Variants in SLC6A6 observed in about 807,000 individuals in gnomAD.
SLC6A6 encodes solute carrier family 6 member 6.
In SLC6A6, 16 loss-of-function variants were observed where a neutral mutation model predicts 68.8. The ratio of observed to expected loss-of-function variants is 0.23; its 90% CI spans 0.16 to 0.35. The LOEUF (loss-of-function observed/expected upper bound fraction) is 0.35, where lower values mean the gene tolerates loss of function less well. Ranked by LOEUF, SLC6A6 falls within the 10% of genes least tolerant of loss-of-function variation. The pLI is 1.00. For synonymous variants in SLC6A6, 312 were observed against 315.4 expected, an observed-to-expected ratio of 0.99 and a Z score of 0.12; for missense variants, 474 against 802.8, an observed-to-expected ratio of 0.59 and a Z score of 4.95.
At chr3:14,470,227 C>T (rs766087705) in intron 9 of SLC6A6, among the ~76,000 whole-genome samples, 3 of 152,112 alleles carry the variant, frequency 2.0e-5, no homozygotes, top group Admixed American at 1.3e-4. Flanking sequence ...TTGTTTTTTC[C>T]TCCCGTCCAC....
chr3:14,424,450 C>T (rs975309173), intron 2 of SLC6A6, among the ~76,000 whole-genome samples: 3 of 151,702 alleles, frequency 2.0e-5, no homozygotes, highest in Non-Finnish European at 4.4e-5. Flanking sequence ...GGAAACAGCC[C>T]GTGGAAAGGC....
intron 2 of SLC6A6, among the ~76,000 whole-genome samples, chr3:14,419,879 A>C (rs1699448865): frequency 6.6e-6 from 1 of 152,130 alleles, no homozygotes; most frequent in Non-Finnish European, 1.5e-5. Flanking sequence ...GGGCAGCTTA[A>C]GGAAGAAAGA....
chr3:14,434,865 G>A (rs2124929509), intron 2 of SLC6A6, among the ~76,000 whole-genome samples: 1 of 152,270 alleles, frequency 6.6e-6, no homozygotes, highest in East Asian at 1.9e-4. Flanking sequence ...GTGGTTCTCT[G>A]GGGCTTTGGG....
chr3:14,442,380 G>T (rs552125882), intron 2 of SLC6A6, among the ~76,000 whole-genome samples: 2 of 152,202 alleles, frequency 1.3e-5, no homozygotes, highest in African/African-American at 2.4e-5. Context: ...AGAGAGGGGC[G>T]AGTAGGCCTA....
intron 4 of SLC6A6, among the ~76,000 whole-genome samples, chr3:14,446,661 T>C (rs1443832734): frequency 6.6e-6 from 1 of 152,234 alleles, no homozygotes; most frequent in African/African-American, 2.4e-5. Context: ...CTCCCCTTGA[T>C]AGTTTTGTGA....
intron 6 of SLC6A6, among the ~76,000 whole-genome samples, chr3:14,459,401 C>G (rs1319275263): frequency 6.6e-6 from 1 of 152,144 alleles, no homozygotes; most frequent in East Asian, 1.9e-4. Context: ...GTCACTTACC[C>G]TGCAAGACCT....
In SLC6A6 at chr3:14,488,674, A is replaced by C. The variant is rs1427561313; in HGVS notation, c.*3667A>C. The C allele has an allele frequency of 6.6e-6, 1 of 152,290 alleles. No individual in the cohort carries two copies. The highest frequency in any genetic ancestry group is 1.5e-5 in the Non-Finnish European group (1 of 68,044). The allele number at this position is 152,290 out of a possible 1,614,324, so 9.4% of individuals were successfully genotyped here. On this transcript the variant is annotated 3_prime_UTR_variant, in exon 15 of 15. Coordinates refer to ENST00000622186, the MANE Select transcript of SLC6A6 (RefSeq NM_003043.6). ...TGTGCAAAAATCGAAGTACAAAACC[A>C]CAAGACTAAACAAAACAAACCCAGA...
chr3:14,471,130 C>CTT (rs754511089), intron 9 of SLC6A6, among the ~76,000 whole-genome samples: 1,630 of 83,060 alleles, frequency 0.02, 53 homozygotes, highest in African/African-American at 0.045. Context: ...TGCTTCTTGA[C>CTT]TTTTTTTTTT....
At chr3:14,433,227 C>T (rs1295980678) in intron 2 of SLC6A6, among the ~76,000 whole-genome samples, 1 of 152,084 alleles carries the variant, frequency 6.6e-6, no homozygotes, top group Non-Finnish European at 1.5e-5. Context: ...AGAGAATTGC[C>T]CCAGGTAAGC....
At chr3:14,428,748 A>G (rs1448884905) in intron 2 of SLC6A6, among the ~76,000 whole-genome samples, 1 of 152,136 alleles carries the variant, frequency 6.6e-6, no homozygotes, top group Non-Finnish European at 1.5e-5. Flanking sequence ...CACCTTGGTC[A>G]AGCAATGTCA....
At chr3:14,447,231 T>TCCAA (rs1700144103) in intron 4 of SLC6A6, among the ~76,000 whole-genome samples, 1 of 150,690 alleles carries the variant, frequency 6.6e-6, no homozygotes, top group Admixed American at 6.6e-5. Context: ...TATCCATCCA[T>TCCAA]CCATCCATCC....
rs546324782 is a variant in SLC6A6, at chr3:14,487,822, G to T, written c.*2815G>T. The T allele has an allele frequency of 6.6e-6, 1 of 152,456 alleles. No homozygotes were observed. Among genetic ancestry groups the T allele is most frequent in the South Asian group, 2.1e-4 (1 of 4,828 alleles). The allele number at this position is 152,456 out of a possible 1,614,324, so 9.4% of individuals were successfully genotyped here. On this transcript the variant is annotated 3_prime_UTR_variant, in exon 15 of 15. Transcript: ENST00000622186. The stretch of plus-strand genomic sequence containing the variant: ...CTGCAGGTTCTCCGAGGTAGGTGCA[G>T]GGAATGGTGAGTGTCTAACCAGGGC...
chr3:14,468,152 T>C lies in SLC6A6; in HGVS notation c.1036T>C (p.Ser346Pro), dbSNP rs1700663474. 6.2e-7 allele frequency: 1 copy of C among 1,614,154 alleles called. No individual in the cohort carries two copies. The highest frequency in any genetic ancestry group is 8.5e-7 in the Non-Finnish European group (1 of 1,180,026). Residue 346 changes from serine to proline, a missense_variant, in exon 9 of 15, where the codon TCC (serine) becomes CCC (proline). Coordinates refer to ENST00000622186, the MANE Select transcript of SLC6A6 (RefSeq NM_003043.6). The surrounding 1 kb of genome is among the most constrained non-coding windows in gnomAD (Gnocchi z 4.5). ...TTTTGTGTCTGGCTTCGCAATTTTT[T>C]CCATCCTGGGCTTCATGGCACAAGA... Reference protein sequence around the residue: ...TSFVSGFAIFSILGFMAQEQG... With the variant: ...TSFVSGFAIFPILGFMAQEQG...
intron 1 of SLC6A6, among the ~76,000 whole-genome samples, chr3:14,406,464 C>T (rs915557598): frequency 4.6e-5 from 7 of 152,140 alleles, no homozygotes; most frequent in African/African-American, 1.7e-4. Context: ...GTCCAGGAGA[C>T]GGAGAGTCAC....
At chr3:14,466,888 GGTGGCCACTTAGAGAGGCT>G (rs1295947350) in intron 7 of SLC6A6, among the ~76,000 whole-genome samples, 1 of 152,172 alleles carries the variant, frequency 6.6e-6, no homozygotes, top group Non-Finnish European at 1.5e-5. Flanking sequence ...GACGTCTGAG[GGTGGCCACTTAGAGAGGCT>G]GCTTTAGGCC....
chr3:14,412,553 C>T (rs1384448142), intron 1 of SLC6A6, among the ~76,000 whole-genome samples: 1 of 152,132 alleles, frequency 6.6e-6, no homozygotes, highest in Non-Finnish European at 1.5e-5. Context: ...GTGGCACGCA[C>T]CTGTAGTCCC....
At chr3:14,407,743 CG>C (rs1040679353) in intron 1 of SLC6A6, among the ~76,000 whole-genome samples, 1 of 152,106 alleles carries the variant, frequency 6.6e-6, no homozygotes, top group Non-Finnish European at 1.5e-5. Flanking sequence ...TAGGCTTAAA[CG>C]ATCCACCCTT....
In SLC6A6 at chr3:14,484,769, C is replaced by G. The variant is rs147787693; in HGVS notation, c.1723-98C>G. On this transcript the variant is annotated intron_variant, in intron 14 of 14. Transcript: ENST00000622186. ...GGGTGTGAGTTTACCAAAAACCAAA[C>G]AGCACATGAGCCAATTCAGGAGGAG... The G allele has an allele frequency of 1.0e-4, 135 of 1,287,824 alleles. No individual in the cohort carries two copies. The East Asian group carries it at 2.8e-3, about 27-fold the overall frequency. 79.8% of individuals were successfully genotyped at this position (1,287,824 alleles called of 1,614,324 possible).
intron 5 of SLC6A6, among the ~76,000 whole-genome samples, chr3:14,451,857 A>C (rs919661820): frequency 6.6e-6 from 1 of 152,180 alleles, no homozygotes; most frequent in Non-Finnish European, 1.5e-5. Context: ...TCTGGGAGCC[A>C]GTTGGGCGGC....
Sources: allele counts gnomAD v4.1 joint callset (sites outside exome capture counted in the v4.1 genomes callset), GRCh38; gene constraint gnomAD v4.1.1; non-coding constraint Gnocchi (gnomAD v3.1); transcripts MANE v1.5; gene names NCBI Gene and HGNC (gene_info 2026-07-23, HGNC 2026-07-21).